ZRANB3: variants seen among roughly 807,000 people sequenced by gnomAD.
ZRANB3 encodes the protein zinc finger RANBP2-type containing 3.
Under a neutral mutation model 133.8 loss-of-function variants are expected in ZRANB3, and 125 were observed. That is an observed-to-expected ratio of 0.93 (90% CI 0.81 to 1.08). The LOEUF is 1.08. Among genes scored for constraint, ZRANB3 ranks in the 50% least tolerant of loss-of-function variants. The probability of loss-of-function intolerance (pLI) is 0.00; values close to 1 mark genes in which losing one functional copy is unlikely to be tolerated. For missense variants in ZRANB3, 1,229 were observed against 1,275.5 expected, an observed-to-expected ratio of 0.96 and a Z score of 0.56; for synonymous variants, 387 against 432.7, an observed-to-expected ratio of 0.89 and a Z score of 1.31.
intron 8 of ZRANB3, among the ~76,000 whole-genome samples, chr2:135,291,941 C>A (rs1414058442): frequency 2.0e-5 from 3 of 152,170 alleles, no homozygotes; most frequent in African/African-American, 7.2e-5. Flanking sequence ...TTTTTTAGGG[C>A]TGCATAGTAT....
At chr2:135,324,590 T>A (rs1398451591) in intron 6 of ZRANB3, among the ~76,000 whole-genome samples, 3 of 152,230 alleles carry the variant, frequency 2.0e-5, no homozygotes, top group Admixed American at 2.0e-4. Flanking sequence ...CCTTTGGGTA[T>A]ATACCCAGTA....
chr2:135,245,945 A>AAAAG (rs1434561935), intron 12 of ZRANB3, among the ~76,000 whole-genome samples: 1 of 146,574 alleles, frequency 6.8e-6, no homozygotes, highest in Non-Finnish European at 1.5e-5. Context: ...AAAAAAAAAA[A>AAAAG]AAAGAGACAG....
chr2:135,484,332 T>C (rs1459948117), intron 2 of ZRANB3, among the ~76,000 whole-genome samples: 2 of 152,206 alleles, frequency 1.3e-5, no homozygotes, highest in African/African-American at 2.4e-5. Context: ...ATGCTAAGCC[T>C]AATAATTTCA....
rs190523061 is a variant in ZRANB3, at chr2:135,474,207, A to G, written c.161+30122T>C. Among the ~76,000 whole-genome samples, 21 of 152,118 alleles carry G rather than the reference A, an allele frequency of 1.4e-4. 1 individual carries two copies. The highest frequency in any genetic ancestry group is 1.2e-3 in the Admixed American group (18 of 15,262). On this transcript the variant is annotated intron_variant, in intron 2 of 20. Transcript: ENST00000264159. Reference sequence around the variant, plus strand: ...CCCCATCTCAAAAACAAACAAACTGACAAAAAACCAAAAGACTAATCTAGA... The same window carrying G: ...CCCCATCTCAAAAACAAACAAACTGGCAAAAAACCAAAAGACTAATCTAGA...
intron 2 of ZRANB3, among the ~76,000 whole-genome samples, chr2:135,498,316 T>C (rs1163046571): frequency 6.6e-6 from 1 of 152,134 alleles, no homozygotes; most frequent in Non-Finnish European, 1.5e-5. Flanking sequence ...TTCATGGACA[T>C]TTATTAGTTC....
chr2:135,327,084 G>A (rs1292546546), intron 6 of ZRANB3, among the ~76,000 whole-genome samples: 1 of 152,074 alleles, frequency 6.6e-6, no homozygotes, highest in Admixed American at 6.6e-5. Context: ...GCTGGGTAAT[G>A]AGTACATGGG....
intron 6 of ZRANB3, among the ~76,000 whole-genome samples, chr2:135,332,666 C>T (rs558526376): frequency 6.6e-6 from 1 of 152,270 alleles, no homozygotes; most frequent in African/African-American, 2.4e-5. Flanking sequence ...TGGTTACAAC[C>T]AGGTCCTAAG....
chr2:135,302,023 A>G (rs1277632762), intron 8 of ZRANB3, among the ~76,000 whole-genome samples: 2 of 152,224 alleles, frequency 1.3e-5, no homozygotes, highest in African/African-American at 2.4e-5. Flanking sequence ...ATTATAATCT[A>G]TGCTATTTCA....
At position 135,331,449 on chromosome 2, in the gene ZRANB3, C is replaced by T. The variant is rs189540228; in HGVS notation, c.677+14101G>A. Among the ~76,000 whole-genome samples, 9 of 152,118 alleles carry T rather than the reference C, an allele frequency of 5.9e-5. 1 individual carries two copies. The highest frequency in any genetic ancestry group is 5.9e-4 in the Admixed American group (9 of 15,248). Reference sequence around the variant, plus strand: ...AGACAGTTTGTTGTGATTTCTTTTACATTTGCTGAGGAGTGCTTTACTTCC... The same window carrying T: ...AGACAGTTTGTTGTGATTTCTTTTATATTTGCTGAGGAGTGCTTTACTTCC... On this transcript the variant is annotated intron_variant, in intron 6 of 20. Transcript: ENST00000264159.
intron 10 of ZRANB3, chr2:135,271,372 C>G (rs1338907797): frequency 1.7e-5 from 8 of 472,638 alleles, no homozygotes; most frequent in South Asian, 1.2e-4. Flanking sequence ...TTCTTTTCCC[C>G]CAGGCCACCT....
intron 8 of ZRANB3, among the ~76,000 whole-genome samples, chr2:135,283,969 C>T (rs923326195): frequency 6.6e-6 from 1 of 152,004 alleles, no homozygotes; most frequent in Admixed American, 6.5e-5. Context: ...GCAACAAGAG[C>T]GAGACCCTGA....
intron 8 of ZRANB3, among the ~76,000 whole-genome samples, chr2:135,294,803 T>C (rs1009605614): frequency 1.3e-5 from 2 of 152,194 alleles, no homozygotes; most frequent in African/African-American, 4.8e-5. Flanking sequence ...TGTGTCTTTG[T>C]TCTCGTTGGT....
intron 2 of ZRANB3, among the ~76,000 whole-genome samples, chr2:135,391,122 G>A (rs1687213212): frequency 6.6e-6 from 1 of 152,150 alleles, no homozygotes; most frequent in South Asian, 2.1e-4. Flanking sequence ...GCCTCCCAAA[G>A]TGCTGAGATT....
At chr2:135,483,407 A>T (rs1691931279) in intron 2 of ZRANB3, among the ~76,000 whole-genome samples, 2 of 152,048 alleles carry the variant, frequency 1.3e-5, no homozygotes, top group Non-Finnish European at 2.9e-5. Context: ...ATTTGCGTAG[A>T]GGTGTTTGTA....
chr2:135,365,365 A>G (rs1379243031), intron 3 of ZRANB3, among the ~76,000 whole-genome samples: 1 of 152,214 alleles, frequency 6.6e-6, no homozygotes, highest in Non-Finnish European at 1.5e-5. Context: ...AAGTTTAATA[A>G]AGGCACTGAA....
chr2:135,313,529 C>A lies in ZRANB3; in HGVS notation c.926G>T (p.Gly309Val). 1 of 1,613,600 alleles carries A rather than the reference C, an allele frequency of 6.2e-7. No homozygotes were observed. The highest frequency in any genetic ancestry group is 2.2e-5 in the East Asian group (1 of 44,864). Residue 309 changes from glycine to valine, a missense_variant, in exon 8 of 21, where the codon GGG (glycine) becomes GTG (valine). Physicochemically the swap from Gly to Val is moderately radical, Grantham distance 109 (BLOSUM62 -3). Coordinates refer to ENST00000264159, the MANE Select transcript of ZRANB3 (RefSeq NM_032143.4). ...PNSGAMETVMGLITRMFKQTA... is the reference protein window; with the variant it reads ...PNSGAMETVMVLITRMFKQTA... Reference sequence around the variant, plus strand: ...TTGTTTAAACATGCGAGTTATCAACCCCATGACTGTCTCCATGGCACCTGA... The same window carrying A: ...TTGTTTAAACATGCGAGTTATCAACACCATGACTGTCTCCATGGCACCTGA...
intron 2 of ZRANB3, among the ~76,000 whole-genome samples, chr2:135,454,181 G>T (rs1465865836): frequency 6.6e-6 from 1 of 152,172 alleles, no homozygotes; most frequent in Non-Finnish European, 1.5e-5. Flanking sequence ...CTCCCACTGG[G>T]TCCCTTCCAG....
At chr2:135,254,394 A>C (rs1679547566) in intron 12 of ZRANB3, among the ~76,000 whole-genome samples, 1 of 152,228 alleles carries the variant, frequency 6.6e-6, no homozygotes, top group African/African-American at 2.4e-5. Context: ...GCCCCAAAAG[A>C]AAGTTAGCTA....
At position 135,217,454 on chromosome 2, in the gene ZRANB3, A is replaced by G. The variant is rs775920975; in HGVS notation, c.2495+11T>C. On this transcript the variant is annotated intron_variant, in intron 17 of 20. Transcript: ENST00000264159. ...AATATAATACAAAATTTAAAAAAAG[A>G]CAACTCATACCTTTTGGTGCAATTT... is the stretch of plus-strand genomic sequence containing the variant. 8.2e-6 allele frequency: 13 copies of G among 1,588,664 alleles called. No homozygotes were observed. The highest frequency in any genetic ancestry group is 4.3e-6 in the Non-Finnish European group (5 of 1,171,326).
Sources: allele counts gnomAD v4.1 joint callset (sites outside exome capture counted in the v4.1 genomes callset), GRCh38; gene constraint gnomAD v4.1.1; transcripts MANE v1.5; gene names NCBI Gene and HGNC (gene_info 2026-07-23, HGNC 2026-07-21).